The following CMTM4 variants were observed in gnomAD, a reference collection of about 807,000 sequenced individuals.
CMTM4 encodes the protein CKLF like MARVEL transmembrane domain containing 4.
CMTM4 carries 8 observed loss-of-function variants against 19.0 expected under a neutral mutation model. The ratio of observed to expected loss-of-function variants is 0.42; its 90% confidence interval spans 0.25 to 0.76. The LOEUF (loss-of-function observed/expected upper bound fraction) is 0.76. Ranked by LOEUF, CMTM4 falls within the 30% of genes least tolerant of loss-of-function variation. The probability of loss-of-function intolerance (pLI) is 0.27; values close to 1 mark genes in which losing one functional copy is unlikely to be tolerated. For synonymous variants in CMTM4, 106 were observed against 121.1 expected (o/e 0.88, Z 0.82); for missense variants, 228 against 290.2 (o/e 0.79, Z 1.56).
chr16:66,643,596 G>C (rs1370785367), intron 1 of CMTM4, among the ~76,000 whole-genome samples: 2 of 152,154 alleles, frequency 1.3e-5, no homozygotes, highest in Non-Finnish European at 2.9e-5. Flanking sequence ...GTCTTATCAG[G>C]AAAATACTCA....
At chr16:66,624,291 GT>G (rs1337062970) in intron 2 of CMTM4, among the ~76,000 whole-genome samples, 1 of 152,180 alleles carries the variant, frequency 6.6e-6, no homozygotes, top group Non-Finnish European at 1.5e-5. Context: ...TGTCACTTCT[GT>G]TATTACTACT....
At chr16:66,631,023 G>A (rs139016042) in intron 2 of CMTM4, among the ~76,000 whole-genome samples, 6,679 of 144,878 alleles carry the variant, frequency 0.046, 272 homozygotes, top group East Asian at 0.16. Context: ...TCCGCCCGGC[G>A]GCCGCCCCAT....
At chr16:66,649,459 C>CTATCCATCT (rs1555500121) in intron 1 of CMTM4, among the ~76,000 whole-genome samples, 61 of 149,498 alleles carry the variant, frequency 4.1e-4, no homozygotes, top group Admixed American at 1.0e-3. Context: ...TCTATCTATC[C>CTATCCATCT]ATCTATCTAT....
At chr16:66,676,572 A>T (rs1347414265) in intron 1 of CMTM4, among the ~76,000 whole-genome samples, 1 of 152,188 alleles carries the variant, frequency 6.6e-6, no homozygotes, top group Admixed American at 6.5e-5. Context: ...GGCGCACAAT[A>T]ACTTCACGAT....
At chr16:66,679,488 C>G (rs972976778) in intron 1 of CMTM4, among the ~76,000 whole-genome samples, 5 of 152,004 alleles carry the variant, frequency 3.3e-5, no homozygotes, top group Non-Finnish European at 7.4e-5. Flanking sequence ...AGGAGCAGAG[C>G]CAGCAGAGGG....
intron 1 of CMTM4, among the ~76,000 whole-genome samples, chr16:66,684,665 A>G (rs576509187): frequency 5.9e-5 from 9 of 152,290 alleles, no homozygotes; most frequent in African/African-American, 2.2e-4. Context: ...CTCCCCCATC[A>G]AGAAGTTAAA....
In CMTM4 at chr16:66,622,736, CCA is replaced by C. The variant is rs1384557392; in HGVS notation, c.463-516_463-515del. 6.6e-6 allele frequency among the ~76,000 whole-genome samples: 1 copy of C among 152,176 alleles called. No individual in the cohort carries two copies. The highest frequency in any genetic ancestry group is 1.5e-5 in the Non-Finnish European group (1 of 68,034). ...AATGTTCCACATCACAGCCCCCATC[CCA>C]CACCTGCCTCTCATGGGGCAGCTCC... On this transcript the variant is annotated intron_variant, in intron 3 of 3. Coordinates refer to ENST00000394106, the MANE Select transcript of CMTM4 (RefSeq NM_181521.3). The surrounding 1 kb of genome is among the most constrained non-coding windows in gnomAD (Gnocchi z 4.0).
chr16:66,677,480 T>A (rs1384979938), intron 1 of CMTM4, among the ~76,000 whole-genome samples: 1 of 152,152 alleles, frequency 6.6e-6, no homozygotes, highest in Non-Finnish European at 1.5e-5. Flanking sequence ...GTGGAGAGAA[T>A]CTGAATGGGA....
chr16:66,627,015 ATTGT>A (rs2015754268), intron 2 of CMTM4, among the ~76,000 whole-genome samples: 1 of 152,162 alleles, frequency 6.6e-6, no homozygotes, highest in South Asian at 2.1e-4. Flanking sequence ...AGGTAGGAAG[ATTGT>A]TTGAGCCCAG....
intron 1 of CMTM4, among the ~76,000 whole-genome samples, chr16:66,682,351 C>T (rs917310514): frequency 6.6e-6 from 1 of 151,984 alleles, no homozygotes; most frequent in Non-Finnish European, 1.5e-5. Context: ...AGCAACTACC[C>T]CTGGAAGAGC....
the CMTM4 span, chr16:66,608,600 AC>A: frequency 1.2e-6 from 1 of 810,672 alleles, no homozygotes; most frequent in South Asian, 1.8e-5. This position sits in a 1 kb window ranked among gnomAD's most constrained non-coding sequence, Gnocchi z 5.1. Context: ...GGATGGAGAG[AC>A]CCAGCTTCAG....
intron 2 of CMTM4, among the ~76,000 whole-genome samples, chr16:66,629,794 C>G (rs1230454451): frequency 2.0e-5 from 3 of 152,118 alleles, no homozygotes; most frequent in Non-Finnish European, 4.4e-5. Flanking sequence ...ATCAGTCATG[C>G]CTACCTAGTG....
the CMTM4 span, among the ~76,000 whole-genome samples, chr16:66,602,864 C>T: frequency 6.6e-6 from 1 of 152,202 alleles, no homozygotes; most frequent in South Asian, 2.1e-4. Flanking sequence ...GCCAATTTTC[C>T]TTAGTACTTC....
chr16:66,647,497 G>T (rs1229047572), intron 1 of CMTM4, among the ~76,000 whole-genome samples: 1 of 152,056 alleles, frequency 6.6e-6, no homozygotes, highest in Non-Finnish European at 1.5e-5. Flanking sequence ...ACATCACCTA[G>T]AAATACGTGA....
At chr16:66,609,554 G>T in the CMTM4 span, 1 of 1,569,822 alleles carries the variant, frequency 6.4e-7, no homozygotes. The surrounding 1 kb of genome is among the most constrained non-coding windows in gnomAD (Gnocchi z 4.4). Flanking sequence ...CCACCCCTCT[G>T]GAAACTGCAG....
chr16:66,599,126 CA>C, the CMTM4 span, among the ~76,000 whole-genome samples: 4,785 of 142,912 alleles, frequency 0.033, 236 homozygotes, highest in African/African-American at 0.11. Context: ...CTAAAATTAC[CA>C]AAAAAAAAAA....
chr16:66,617,071 T>C lies in CMTM4; in HGVS notation c.*4987A>G. On this transcript the variant is annotated 3_prime_UTR_variant, in exon 4 of 4. Coordinates refer to ENST00000394106, the MANE Select transcript of CMTM4 (RefSeq NM_181521.3). ...TATGTTCTTACTCCTAAACTCAAAC[T>C]TTAAAAGTTTCAATAGCTCCCTGGG... 6.4e-6 allele frequency: 3 copies of C among 471,394 alleles called. No individual in the cohort carries two copies. The South Asian group carries it at 1.0e-4, about 16-fold the overall frequency. The allele number at this position is 471,394 out of a possible 1,614,324, so 29.2% of individuals were successfully genotyped here.
At position 66,621,912 on chromosome 16, in the gene CMTM4, A is replaced by G. The variant is rs1452342605; in HGVS notation, c.*146T>C. 7.0e-7 allele frequency: 1 copy of G among 1,438,208 alleles called. No homozygotes were observed. Among genetic ancestry groups the G allele is most frequent in the East Asian group, 2.5e-5 (1 of 39,866 alleles). 89.1% of individuals were successfully genotyped at this position (1,438,208 alleles called of 1,614,324 possible). The stretch of plus-strand genomic sequence containing the variant: ...CCACCGCGGACCCGCCCACTGGGCC[A>G]CTCGGGAAACCCTTTCCCAAAATGA... On this transcript the variant is annotated 3_prime_UTR_variant, in exon 4 of 4. Transcript: ENST00000394106.
chr16:66,644,544 C>G (rs1048274306), intron 1 of CMTM4, among the ~76,000 whole-genome samples: 3 of 152,146 alleles, frequency 2.0e-5, no homozygotes, highest in African/African-American at 7.2e-5. Flanking sequence ...TAGTGTGTTT[C>G]TTATTTTAAA....
Sources: allele counts gnomAD v4.1 joint callset (sites outside exome capture counted in the v4.1 genomes callset), GRCh38; gene constraint gnomAD v4.1.1; non-coding constraint Gnocchi (gnomAD v3.1); transcripts MANE v1.5; gene names NCBI Gene and HGNC (gene_info 2026-07-23, HGNC 2026-07-21).